Variants in NRXN3 observed in about 807,000 individuals in gnomAD.
The protein encoded by NRXN3 is neurexin 3, also known as neurexin III.
In NRXN3, 32 loss-of-function variants were observed where a neutral mutation model predicts 137.6. The observed-to-expected ratio is 0.23, with a 90% CI of 0.18 to 0.31. The LOEUF (loss-of-function observed/expected upper bound fraction) is 0.31, where lower values mean the gene tolerates loss of function less well. Among genes scored for constraint, NRXN3 ranks in the 10% least tolerant of loss-of-function variants. NRXN3 has a pLI of 1.00. For synonymous variants in NRXN3, 798 were observed against 784.5 expected, an observed-to-expected ratio of 1.02 and a Z score of -0.29; for missense variants, 1,574 against 2,062.5, an observed-to-expected ratio of 0.76 and a Z score of 4.59.
chr14:78,187,448 T>C (rs1272654997), intron 1 of NRXN3, among the ~76,000 whole-genome samples: 1 of 152,082 alleles, frequency 6.6e-6, no homozygotes, highest in Non-Finnish European at 1.5e-5. Context: ...ATCTTTGTAG[T>C]TGGGGATGGC....
At chr14:79,119,426 T>C (rs2055037541) in intron 15 of NRXN3, among the ~76,000 whole-genome samples, 1 of 152,224 alleles carries the variant, frequency 6.6e-6, no homozygotes. Context: ...TGTTTTCCTA[T>C]AATTTGCTGT....
intron 6 of NRXN3, among the ~76,000 whole-genome samples, chr14:78,677,208 C>G (rs566778152): frequency 6.6e-6 from 1 of 152,096 alleles, no homozygotes; most frequent in South Asian, 2.1e-4. Flanking sequence ...GATCACAAAG[C>G]CTTTTAGAAA....
chr14:78,560,947 C>T (rs2096780566), intron 4 of NRXN3, among the ~76,000 whole-genome samples: 1 of 152,292 alleles, frequency 6.6e-6, no homozygotes. Flanking sequence ...TTTCAGGATG[C>T]TTTTTCGCAT....
chr14:78,632,397 C>A (rs1290290251), intron 4 of NRXN3, among the ~76,000 whole-genome samples: 1 of 151,908 alleles, frequency 6.6e-6, no homozygotes, highest in Non-Finnish European at 1.5e-5. Flanking sequence ...ATGTGACATG[C>A]TATGCAAACG....
intron 10 of NRXN3, among the ~76,000 whole-genome samples, chr14:78,889,651 A>G (rs1158669139): frequency 6.6e-6 from 1 of 152,022 alleles, no homozygotes; most frequent in Non-Finnish European, 1.5e-5. Flanking sequence ...AGTACTGAGC[A>G]CTGAGTACCT....
At chr14:78,272,942 A>G (rs2073027106) in intron 2 of NRXN3, among the ~76,000 whole-genome samples, 1 of 152,100 alleles carries the variant, frequency 6.6e-6, no homozygotes, top group Admixed American at 6.5e-5. Context: ...TTCTTCGGCA[A>G]TTTACCCCCA....
At chr14:78,211,610 C>T (rs1056524380) in intron 1 of NRXN3, among the ~76,000 whole-genome samples, 2 of 152,224 alleles carry the variant, frequency 1.3e-5, no homozygotes, top group Non-Finnish European at 2.9e-5. Context: ...CTGTCTATAA[C>T]GATGCTTAAT....
At chr14:79,094,026 C>A (rs974167498) in intron 15 of NRXN3, among the ~76,000 whole-genome samples, 1 of 152,056 alleles carries the variant, frequency 6.6e-6, no homozygotes, top group African/African-American at 2.4e-5. Flanking sequence ...AAGTCAAGCT[C>A]TCCTGTCCTC....
intron 15 of NRXN3, among the ~76,000 whole-genome samples, chr14:79,057,304 A>C (rs7155818): frequency 0.53 from 80,100 of 152,122 alleles, 23,381 homozygotes; most frequent in East Asian, 0.78. Flanking sequence ...GAGTGATCAA[A>C]TACGTAAGGT....
chr14:79,725,938 T>C (rs1270171563), intron 19 of NRXN3, among the ~76,000 whole-genome samples: 2 of 152,152 alleles, frequency 1.3e-5, no homozygotes, highest in African/African-American at 4.8e-5. Context: ...ATCTGATTCA[T>C]ATCTCTACCT....
intron 4 of NRXN3, among the ~76,000 whole-genome samples, chr14:78,414,517 C>A (rs142570325): frequency 6.6e-6 from 1 of 152,266 alleles, no homozygotes; most frequent in South Asian, 2.1e-4. Flanking sequence ...ATGAAATAGG[C>A]GGCTTCAACC....
intron 4 of NRXN3, among the ~76,000 whole-genome samples, chr14:78,554,518 A>G (rs1003620462): frequency 2.0e-5 from 3 of 152,176 alleles, no homozygotes; most frequent in Admixed American, 6.5e-5. Context: ...TGAACACGTT[A>G]TAGGTCACTC....
intron 20 of NRXN3, among the ~76,000 whole-genome samples, chr14:79,806,275 T>A (rs1284365103): frequency 6.6e-6 from 1 of 152,078 alleles, no homozygotes; most frequent in Non-Finnish European, 1.5e-5. Context: ...CATGAAAAAA[T>A]AATCTAATAA....
intron 20 of NRXN3, among the ~76,000 whole-genome samples, chr14:79,852,234 A>ACACAC (rs1555793046): frequency 2.3e-5 from 3 of 128,184 alleles, no homozygotes; most frequent in African/African-American, 5.8e-5. Context: ...TTCAACTCCC[A>ACACAC]ACACACACAC....
At chr14:78,793,688 A>G (rs1010459897) in intron 8 of NRXN3, among the ~76,000 whole-genome samples, 3 of 152,202 alleles carry the variant, frequency 2.0e-5, no homozygotes, top group Admixed American at 2.0e-4. Flanking sequence ...GGTCAGTCAC[A>G]TAGGCATACG....
chr14:79,712,573 A>G (rs968414685), intron 19 of NRXN3, among the ~76,000 whole-genome samples: 2 of 152,212 alleles, frequency 1.3e-5, no homozygotes, highest in Non-Finnish European at 2.9e-5. Context: ...ACAAAACATT[A>G]TACTGTTATG....
intron 20 of NRXN3, among the ~76,000 whole-genome samples, chr14:79,856,141 G>A (rs1419687144): frequency 2.0e-5 from 3 of 152,106 alleles, no homozygotes; most frequent in African/African-American, 7.2e-5. Context: ...GGGGAAGCGA[G>A]GGAGAATGCC....
At chr14:79,612,599 AG>A (rs1212767915) in intron 16 of NRXN3, among the ~76,000 whole-genome samples, 36 of 152,336 alleles carry the variant, frequency 2.4e-4, no homozygotes, top group African/African-American at 7.5e-4. Flanking sequence ...CTGTAATCAC[AG>A]CATTTTAGGA....
chr14:79,774,098 G>A (rs915987436), intron 19 of NRXN3, among the ~76,000 whole-genome samples: 28 of 152,084 alleles, frequency 1.8e-4, no homozygotes, highest in East Asian at 1.9e-4. Context: ...AGAAACCCCC[G>A]AATAACTGTA....
Sources: gnomAD v4.1 joint callset for allele counts (sites outside exome capture counted in the v4.1 genomes callset) on GRCh38, gnomAD v4.1.1 for gene constraint, MANE v1.5 for transcripts, NCBI Gene and HGNC (gene_info 2026-07-23, HGNC 2026-07-21) for gene names.